TMEM272: variants seen among roughly 807,000 people sequenced by gnomAD.
The protein encoded by TMEM272 is long intergenic non-protein coding RNA 282.
Under a neutral mutation model 3.7 loss-of-function variants are expected in TMEM272, and 8 were observed. The observed-to-expected ratio is 2.17, with a 90% CI of 1.27 to 3.91. TMEM272 has a LOEUF of 3.91. Among genes scored for constraint, TMEM272 ranks in the 30% most tolerant of loss-of-function variants. The pLI, the probability that TMEM272 is intolerant of heterozygous loss-of-function variation, is 0.00. For synonymous variants in TMEM272, 63 were observed against 39.8 expected, an observed-to-expected ratio of 1.58 and a Z score of -2.20; for missense variants, 166 against 91.5, an observed-to-expected ratio of 1.81 and a Z score of -3.32.
chr13:51,892,194 C>T, the TMEM272 span, among the ~76,000 whole-genome samples: 23 of 152,180 alleles, frequency 1.5e-4, no homozygotes, highest in Admixed American at 1.5e-3. Flanking sequence ...AGTCTCTGCC[C>T]CTCAGGGGTG....
At chr13:51,858,903 C>T in the TMEM272 span, among the ~76,000 whole-genome samples, 2 of 152,072 alleles carry the variant, frequency 1.3e-5, no homozygotes, top group African/African-American at 4.8e-5. Flanking sequence ...GGTGGCAGGT[C>T]GGAGGTTCTC....
At chr13:51,833,616 G>A (rs1956191322) in intron 2 of TMEM272, among the ~76,000 whole-genome samples, 1 of 152,198 alleles carries the variant, frequency 6.6e-6, no homozygotes, top group Non-Finnish European at 1.5e-5. Context: ...ACGGAAATGT[G>A]AGGGACAGAA....
the TMEM272 span, among the ~76,000 whole-genome samples, chr13:51,881,567 A>G: frequency 6.6e-6 from 1 of 152,186 alleles, no homozygotes; most frequent in African/African-American, 2.4e-5. Context: ...AATGTATGTG[A>G]GCTCACAAAA....
chr13:51,828,090 G>A (rs1053033599), intron 2 of TMEM272, among the ~76,000 whole-genome samples: 4 of 152,152 alleles, frequency 2.6e-5, no homozygotes, highest in Non-Finnish European at 5.9e-5. Context: ...AAAAGAAACT[G>A]GGTCCTCAGA....
At chr13:51,869,174 T>C in the TMEM272 span, among the ~76,000 whole-genome samples, 2,150 of 152,298 alleles carry the variant, frequency 0.014, 56 homozygotes, top group African/African-American at 0.049. Flanking sequence ...GAAGGAACAA[T>C]GCTCAGTGAA....
chr13:51,837,202 GA>G (rs1229528730), intron 2 of TMEM272, among the ~76,000 whole-genome samples: 1 of 152,178 alleles, frequency 6.6e-6, no homozygotes, highest in African/African-American at 2.4e-5. Context: ...CTTTTTCTGG[GA>G]AACCCTGAGC....
the TMEM272 span, among the ~76,000 whole-genome samples, chr13:51,863,656 T>C: frequency 1.4e-5 from 2 of 141,824 alleles, no homozygotes; most frequent in Non-Finnish European, 3.0e-5. Flanking sequence ...TGTGTCTTCA[T>C]ATGCACGCGC....
chr13:51,853,554 CAG>C, the TMEM272 span, among the ~76,000 whole-genome samples: 1 of 152,172 alleles, frequency 6.6e-6, no homozygotes, highest in Non-Finnish European at 1.5e-5. Context: ...CTTCTTGTCT[CAG>C]GGGTGACAGA....
chr13:51,857,629 G>C, the TMEM272 span, among the ~76,000 whole-genome samples: 1 of 151,708 alleles, frequency 6.6e-6, no homozygotes, highest in Non-Finnish European at 1.5e-5. Flanking sequence ...ATTGCTAAAA[G>C]AATATATAGC....
At chr13:51,883,014 C>T in the TMEM272 span, among the ~76,000 whole-genome samples, 17 of 152,222 alleles carry the variant, frequency 1.1e-4, no homozygotes, top group African/African-American at 1.2e-4. Flanking sequence ...GGGTGTGCCA[C>T]GAGTGGCTTC....
At chr13:51,873,152 G>A in the TMEM272 span, among the ~76,000 whole-genome samples, 2 of 152,332 alleles carry the variant, frequency 1.3e-5, no homozygotes, top group South Asian at 2.1e-4. Flanking sequence ...GTGTTAAAAG[G>A]AGAATGAACA....
At chr13:51,865,636 T>TTGGGAAGAGGAGAGACCTTTC in the TMEM272 span, 1 of 1,614,010 alleles carries the variant, frequency 6.2e-7, no homozygotes, top group East Asian at 2.2e-5. Flanking sequence ...TCCTGGGTTT[T>TTGGGAAGAGGAGAGACCTTTC]TGGGAAGAGG....
the TMEM272 span, among the ~76,000 whole-genome samples, chr13:51,886,784 TA>T: frequency 1.3e-5 from 2 of 152,160 alleles, no homozygotes; most frequent in Non-Finnish European, 2.9e-5. Flanking sequence ...TAGTGAAAAC[TA>T]AAACCAAATA....
the TMEM272 span, chr13:51,866,157 GGAGAA>G: frequency 2.5e-6 from 3 of 1,220,786 alleles, no homozygotes; most frequent in East Asian, 7.5e-5. Context: ...CCCATGTGCT[GGAGAA>G]AATACACACT....
the TMEM272 span, among the ~76,000 whole-genome samples, chr13:51,925,084 T>C: frequency 6.6e-6 from 1 of 152,184 alleles, no homozygotes; most frequent in African/African-American, 2.4e-5. Context: ...TACTAGACAT[T>C]ACTCCTTTCT....
chr13:51,860,743 A>G, the TMEM272 span, among the ~76,000 whole-genome samples: 2 of 96,436 alleles, frequency 2.1e-5, no homozygotes, highest in Admixed American at 9.6e-5. Context: ...GTGTGTGTAT[A>G]TATATATATA....
chr13:51,831,029 C>T (rs1398607865), intron 2 of TMEM272, among the ~76,000 whole-genome samples: 2 of 152,210 alleles, frequency 1.3e-5, no homozygotes, highest in Non-Finnish European at 2.9e-5. Flanking sequence ...CTCACTCTTG[C>T]TCGCTGCACC....
chr13:51,896,647 T>C, the TMEM272 span, among the ~76,000 whole-genome samples: 1 of 152,180 alleles, frequency 6.6e-6, no homozygotes, highest in South Asian at 2.1e-4. Flanking sequence ...GAGGTCCATC[T>C]CTTCCCATGA....
chr13:51,870,221 A>T, the TMEM272 span, among the ~76,000 whole-genome samples: 4 of 152,208 alleles, frequency 2.6e-5, no homozygotes, highest in African/African-American at 9.7e-5. Flanking sequence ...TTGTGGTTGG[A>T]TAATATTTTG....
Sources: allele counts gnomAD v4.1 joint callset (sites outside exome capture counted in the v4.1 genomes callset), GRCh38; gene constraint gnomAD v4.1.1; transcripts MANE v1.5; gene names NCBI Gene and HGNC (gene_info 2026-07-23, HGNC 2026-07-21).